Variants in DST observed in about 807,000 individuals in gnomAD.
DST encodes dystonin, also known as bullous pemphigoid antigen.
Under a neutral mutation model 875.2 loss-of-function variants are expected in DST, and 253 were observed. The observed-to-expected ratio is 0.29, with a 90% CI of 0.26 to 0.32. DST has a LOEUF of 0.32. Among genes scored for constraint, DST ranks in the 10% least tolerant of loss-of-function variants. DST has a pLI of 1.00. For synonymous variants in DST, 3,124 were observed against 3,197.1 expected, an observed-to-expected ratio of 0.98 and a Z score of 0.77; for missense variants, 8,287 against 9,111.6, an observed-to-expected ratio of 0.91 and a Z score of 3.68.
chr6:56,524,395 C>T (rs183352868), intron 69 of DST, among the ~76,000 whole-genome samples: 54 of 152,100 alleles, frequency 3.6e-4, no homozygotes, highest in African/African-American at 1.2e-3. Flanking sequence ...ATGGAACCTT[C>T]GGATTATTGA....
intron 72 of DST, among the ~76,000 whole-genome samples, chr6:56,512,643 T>A (rs1479395674): frequency 6.6e-6 from 1 of 152,200 alleles, no homozygotes; most frequent in Non-Finnish European, 1.5e-5. Flanking sequence ...CTAATTTCTA[T>A]CAGTCACCAG....
rs552220257 is a variant in DST, at chr6:56,603,035, G to GA, written c.11158-5dup. Reference sequence around the variant, plus strand: ...CATGGGAAACTGCTAGTTTAGACTAGAAAAAAAAATTGTGCATTCAGTTAT... The same window carrying GA: ...CATGGGAAACTGCTAGTTTAGACTAGAAAAAAAAAATTGTGCATTCAGTTAT... On this transcript the variant is annotated splice_polypyrimidine_tract_variant and splice_region_variant and intron_variant, in intron 42 of 103. Coordinates refer to ENST00000680361, the MANE Select transcript of DST (RefSeq NM_001374736.1). 1.4e-4 allele frequency: 224 copies of GA among 1,549,604 alleles called. No homozygotes were observed. The highest frequency in any genetic ancestry group is 3.2e-4 in the South Asian group (26 of 81,090).
At chr6:56,851,935 C>A in intron 3 of DST, 1 of 1,525,232 alleles carries the variant, frequency 6.6e-7, no homozygotes, top group East Asian at 2.5e-5. Flanking sequence ...AATCAACAGC[C>A]TTCCTGTTAC....
At chr6:56,864,491 G>T (rs1313874666) in intron 3 of DST, among the ~76,000 whole-genome samples, 1 of 141,546 alleles carries the variant, frequency 7.1e-6, no homozygotes, top group Non-Finnish European at 1.5e-5. Context: ...ACATTTTACA[G>T]TTTTATGGAA....
chr6:56,494,305 C>A lies in DST; in HGVS notation c.20224-125G>T, dbSNP rs372583736. ...ATCTCTGTTTGCTCTCTCAGGGCAA[C>A]CTTGACGCATTTATACTTTTCACTA... is the stretch of plus-strand genomic sequence containing the variant. On this transcript the variant is annotated intron_variant, in intron 82 of 103. Transcript: ENST00000680361. The A allele has an allele frequency of 1.4e-5, 11 of 777,700 alleles. No homozygotes were observed. In the Admixed American group the frequency reaches 2.3e-4, roughly 16 times the overall value. The allele number at this position is 777,700 out of a possible 1,614,324, so 48.2% of individuals were successfully genotyped here.
rs780663222 is a variant in DST, at chr6:56,615,608, T to C, written c.4930-1124A>G. ...TCCTGTGTGGAAATCAAAATCAGCT[T>C]TTTCTAAGGCTTCTTTATATGTCAA... On this transcript the variant is annotated intron_variant, in intron 36 of 103. Coordinates refer to ENST00000680361, the MANE Select transcript of DST (RefSeq NM_001374736.1). 8.1e-6 allele frequency: 13 copies of C among 1,614,022 alleles called. No individual in the cohort carries two copies. In the South Asian group the frequency reaches 1.4e-4, roughly 18 times the overall value.
At chr6:56,762,797 T>C (rs11970648) in intron 4 of DST, among the ~76,000 whole-genome samples, 37,121 of 150,964 alleles carry the variant, frequency 0.25, 6,148 homozygotes, top group African/African-American at 0.46. Flanking sequence ...ATTTTAACAA[T>C]CACTTTGTAC....
chr6:56,600,709 T>C (rs1342435684), intron 44 of DST, among the ~76,000 whole-genome samples: 1 of 152,092 alleles, frequency 6.6e-6, no homozygotes, highest in Non-Finnish European at 1.5e-5. Context: ...TATGTCTAAG[T>C]GCATTCTCAC....
At chr6:56,941,444 T>C (rs1485055148) in intron 2 of DST, among the ~76,000 whole-genome samples, 1 of 152,158 alleles carries the variant, frequency 6.6e-6, no homozygotes, top group Non-Finnish European at 1.5e-5. Context: ...TAGTCTGTCT[T>C]CGTGAATGAG....
At position 56,471,193 on chromosome 6, in the gene DST, G is replaced by A; in HGVS notation, c.22234C>T (p.Arg7412Ter). ...YMRWMNHKKSRVMDFFRRIDK... is the reference protein window; with the variant it reads ...YMRWMNHKKS The stretch of plus-strand genomic sequence containing the variant: ...ATTCTCCTGAAGAAGTCCATCACTC[G>A]AGATTTCTTGTGATTCATCCATCGC... Residue 7412 changes from arginine (R) to a stop codon, truncating the protein, a stop_gained, in exon 95 of 104, where the codon CGA becomes TGA. Coordinates refer to ENST00000680361, the MANE Select transcript of DST (RefSeq NM_001374736.1). LOFTEE classifies it high-confidence loss of function. 6.2e-7 allele frequency: 1 copy of A among 1,605,960 alleles called. No homozygotes were observed. The highest frequency in any genetic ancestry group is 8.5e-7 in the Non-Finnish European group (1 of 1,175,570).
At chr6:56,770,582 G>A (rs907094572) in intron 4 of DST, among the ~76,000 whole-genome samples, 2 of 152,166 alleles carry the variant, frequency 1.3e-5, no homozygotes, top group Non-Finnish European at 2.9e-5. Context: ...GGCATCCTCA[G>A]TCAATTTACC....
intron 5 of DST, among the ~76,000 whole-genome samples, chr6:56,731,882 T>G (rs1435130714): frequency 6.6e-6 from 1 of 152,226 alleles, no homozygotes; most frequent in African/African-American, 2.4e-5. Flanking sequence ...ATCATGAAAA[T>G]TTTGTTTTCT....
Position 56,552,390 on chromosome 6 carries a change from C to T in DST, c.16402G>A (p.Ala5468Thr). 1 of 1,613,966 alleles carries T rather than the reference C, an allele frequency of 6.2e-7. No homozygotes were observed. The highest frequency in any genetic ancestry group is 8.5e-7 in the Non-Finnish European group (1 of 1,179,882). Residue 5468 changes from alanine to threonine, a missense_variant, in exon 61 of 104, where the codon GCC (alanine) becomes ACC (threonine). This residue lies in a region of DST where 777 missense variants were observed against 764.8 expected (regional missense o/e 1.02). Transcript: ENST00000680361. ...AACTTGTTGCATTGTTTGCTTAAGG[C>T]CTCCAAGTCCCTTTTGATTCCAACA... ...DLVGIKRDLEALSKQCNKLLD... is the reference protein window; with the variant it reads ...DLVGIKRDLETLSKQCNKLLD...
At chr6:56,663,095 T>C (rs1285222083) in intron 10 of DST, among the ~76,000 whole-genome samples, 1 of 152,158 alleles carries the variant, frequency 6.6e-6, no homozygotes, top group African/African-American at 2.4e-5. Flanking sequence ...TTCAGATATT[T>C]CCTCCAAATA....
chr6:56,865,647 T>G (rs1446477893), intron 3 of DST, among the ~76,000 whole-genome samples: 1 of 151,984 alleles, frequency 6.6e-6, no homozygotes, highest in African/African-American at 2.4e-5. Context: ...TGAGCCACCA[T>G]GCTCAGCCTT....
In DST at chr6:56,557,634, T is replaced by A. The variant is rs948557941; in HGVS notation, c.14441-116A>T. On this transcript the variant is annotated intron_variant, in intron 58 of 103. Transcript: ENST00000680361. ...TATATAATGGCTATAATCCCATTTT[T>A]ATGACTCTTGTTACATAGTTACTTA... The A allele has an allele frequency of 1.8e-5, 14 of 791,298 alleles. No individual in the cohort carries two copies. In the South Asian group the frequency reaches 2.7e-4, roughly 15 times the overall value. 49.0% of individuals were successfully genotyped at this position (791,298 alleles called of 1,614,324 possible). A position where few individuals can be genotyped will look rare whatever the true frequency, so the allele number is the denominator to read the frequency against.
chr6:56,809,697 A>G (rs2099757534), intron 4 of DST, among the ~76,000 whole-genome samples: 2 of 152,190 alleles, frequency 1.3e-5, no homozygotes, highest in Admixed American at 1.3e-4. Context: ...ACCATTCATG[A>G]TTCATTCTGT....
chr6:56,720,941 G>T (rs1451082743), intron 5 of DST, among the ~76,000 whole-genome samples: 1 of 152,006 alleles, frequency 6.6e-6, no homozygotes, highest in East Asian at 1.9e-4. Context: ...AGGCAGAGGG[G>T]CCCCCCACCC....
intron 4 of DST, among the ~76,000 whole-genome samples, chr6:56,837,020 G>T (rs2099794595): frequency 1.3e-5 from 2 of 151,884 alleles, no homozygotes; most frequent in African/African-American, 4.8e-5. Flanking sequence ...ATGGAAAATA[G>T]ATCCACTGCT....
Sources: gnomAD v4.1 joint callset for allele counts (sites outside exome capture counted in the v4.1 genomes callset) on GRCh38, gnomAD v4.1.1 for gene constraint, gnomAD v4.1.1 regional missense constraint, MANE v1.5 for transcripts, NCBI Gene and HGNC (gene_info 2026-07-23, HGNC 2026-07-21) for gene names.